The following CTNNA3 variants were observed in gnomAD, a reference collection of about 807,000 sequenced individuals.
The protein encoded by CTNNA3 is catenin alpha 3.
In CTNNA3, 76 loss-of-function variants were observed where a neutral mutation model predicts 95.7. The observed-to-expected ratio is 0.79, with a 90% CI of 0.66 to 0.96. The LOEUF is 0.96. Among genes scored for constraint, CTNNA3 ranks in the 40% least tolerant of loss-of-function variants. CTNNA3 has a pLI of 0.00. For missense variants in CTNNA3, 1,191 were observed against 1,089.8 expected (o/e 1.09, Z -1.31); for synonymous variants, 431 against 374.4 (o/e 1.15, Z -1.74).
At chr10:67,115,968 T>C (rs1025790141) in intron 7 of CTNNA3, among the ~76,000 whole-genome samples, 1 of 152,068 alleles carries the variant, frequency 6.6e-6, no homozygotes, top group African/African-American at 2.4e-5. Flanking sequence ...AGTATTCCTA[T>C]GCTTCATAGG....
At chr10:66,620,942 G>A (rs190528181) in intron 10 of CTNNA3, among the ~76,000 whole-genome samples, 3 of 152,092 alleles carry the variant, frequency 2.0e-5, no homozygotes, top group Non-Finnish European at 2.9e-5. Flanking sequence ...GGAAGTATCC[G>A]TATTATATCC....
rs141183853 is a variant in CTNNA3 at position 67,649,672 on chromosome 10, C to T, written c.-5-2154G>A. 1.9e-4 allele frequency among the ~76,000 whole-genome samples: 29 copies of T among 152,244 alleles called. No individual in the cohort carries two copies. In the East Asian group the frequency reaches 5.2e-3, roughly 27 times the overall value. The stretch of plus-strand genomic sequence containing the variant: ...TGTATGTCCTGGTCAGTATTCCTGA[C>T]TGATTGGAAATTAGGGCTATCATAG... On this transcript the variant is annotated intron_variant, in intron 1 of 17. Transcript: ENST00000433211.
At chr10:67,265,644 G>C (rs1187613287) in intron 5 of CTNNA3, among the ~76,000 whole-genome samples, 1 of 152,020 alleles carries the variant, frequency 6.6e-6, no homozygotes, top group Admixed American at 6.6e-5. Flanking sequence ...TTTTCCATGG[G>C]ATAAATTTAA....
chr10:66,581,060 G>A (rs1341257113), intron 10 of CTNNA3, among the ~76,000 whole-genome samples: 1 of 151,562 alleles, frequency 6.6e-6, no homozygotes, highest in African/African-American at 2.4e-5. Flanking sequence ...CAACCAAGTT[G>A]CCACAAAATA....
rs575779352 is a variant in CTNNA3 at position 66,298,724 on chromosome 10, T to C, written c.1733-18103A>G. Among the ~76,000 whole-genome samples, 14 of 152,280 alleles carry C rather than the reference T, an allele frequency of 9.2e-5. No individual in the cohort carries two copies. The South Asian group carries it at 2.9e-3, about 32-fold the overall frequency. ...GACAGAGAGTTGGCAAGTGATCTAG[T>C]CAGCCAAAAAGATTGTCTTTCCTCG... On this transcript the variant is annotated intron_variant, in intron 12 of 17. Transcript: ENST00000433211.
At chr10:66,931,276 T>C (rs1045595988) in intron 7 of CTNNA3, among the ~76,000 whole-genome samples, 1 of 145,254 alleles carries the variant, frequency 6.9e-6, no homozygotes, top group African/African-American at 2.5e-5. Context: ...AGAGAAGAAA[T>C]GGGATTTAGT....
rs1045879254 is a variant in CTNNA3, at chr10:67,202,261, T to G, written c.843+17346A>C. On this transcript the variant is annotated intron_variant, in intron 6 of 17. Coordinates refer to ENST00000433211, the MANE Select transcript of CTNNA3 (RefSeq NM_013266.4). ...GTATGAAAATAAAGCCTGTAAATTA[T>G]AGATCCATGGCTAGATTTGGAAAAC... Among the ~76,000 whole-genome samples the G allele has an allele frequency of 5.9e-5, 9 of 151,470 alleles. No homozygotes were observed. The East Asian group carries it at 1.6e-3, about 27-fold the overall frequency.
chr10:66,151,649 T>C (rs2084206742), intron 13 of CTNNA3, among the ~76,000 whole-genome samples: 1 of 151,956 alleles, frequency 6.6e-6, no homozygotes, highest in African/African-American at 2.4e-5. Context: ...AAAAGAGATA[T>C]ACTTGCCTCT....
chr10:66,226,685 AACATGG>A (rs529101250), intron 13 of CTNNA3, among the ~76,000 whole-genome samples: 2 of 151,904 alleles, frequency 1.3e-5, no homozygotes, highest in African/African-American at 4.8e-5. Flanking sequence ...CCAGTCCATG[AACATGG>A]GATGTCTTTC....
intron 7 of CTNNA3, among the ~76,000 whole-genome samples, chr10:66,846,237 T>G (rs930953887): frequency 2.0e-5 from 3 of 152,150 alleles, no homozygotes; most frequent in African/African-American, 7.2e-5. Context: ...TGATCTCACT[T>G]ATACGTAAAA....
chr10:66,073,139 G>A (rs2080475999), intron 14 of CTNNA3, among the ~76,000 whole-genome samples: 1 of 152,110 alleles, frequency 6.6e-6, no homozygotes, highest in Non-Finnish European at 1.5e-5. Flanking sequence ...GAGGGGGTTT[G>A]AGAAGATGTT....
At chr10:66,327,487 A>G (rs1730699185) in intron 12 of CTNNA3, among the ~76,000 whole-genome samples, 1 of 152,096 alleles carries the variant, frequency 6.6e-6, no homozygotes, top group Admixed American at 6.5e-5. Flanking sequence ...GGTGTTAAGG[A>G]CCTAAAGAAT....
At chr10:67,244,306 A>T (rs1232565787) in intron 5 of CTNNA3, among the ~76,000 whole-genome samples, 1 of 152,208 alleles carries the variant, frequency 6.6e-6, no homozygotes, top group African/African-American at 2.4e-5. Flanking sequence ...ATGTTCTAAA[A>T]TATACCTAAT....
intron 2 of CTNNA3, among the ~76,000 whole-genome samples, chr10:67,633,979 AC>A (rs1324895682): frequency 6.6e-6 from 1 of 152,098 alleles, no homozygotes; most frequent in Non-Finnish European, 1.5e-5. Flanking sequence ...AATGCAGAGA[AC>A]CCCAGTAAGA....
At chr10:67,031,074 G>A (rs182717517) in intron 7 of CTNNA3, among the ~76,000 whole-genome samples, 38 of 152,192 alleles carry the variant, frequency 2.5e-4, no homozygotes, top group Non-Finnish European at 4.7e-4. Context: ...ATTTTACCCC[G>A]TCATACTTGA....
At chr10:66,806,756 A>ATATG (rs1359507202) in intron 7 of CTNNA3, among the ~76,000 whole-genome samples, 2,309 of 145,800 alleles carry the variant, frequency 0.016, 49 homozygotes, top group African/African-American at 0.056. Context: ...TGTGGCATAT[A>ATATG]TGTGTGTGTG....
intron 13 of CTNNA3, among the ~76,000 whole-genome samples, chr10:66,125,420 T>G (rs1374652152): frequency 6.6e-6 from 1 of 152,126 alleles, no homozygotes; most frequent in African/African-American, 2.4e-5. Context: ...TAAATGTATA[T>G]TGCAAACTCT....
intron 13 of CTNNA3, among the ~76,000 whole-genome samples, chr10:66,174,128 G>A (rs1002845148): frequency 2.0e-5 from 3 of 152,158 alleles, no homozygotes; most frequent in African/African-American, 7.2e-5. Flanking sequence ...CTGAGGCATA[G>A]CAAAGTTAAG....
chr10:66,756,437 G>A (rs183126791), intron 9 of CTNNA3, among the ~76,000 whole-genome samples: 101 of 152,180 alleles, frequency 6.6e-4, no homozygotes, highest in Middle Eastern at 3.4e-3. Context: ...TTTTAGTGAT[G>A]GGAGCATTTC....
Sources: gnomAD v4.1 joint callset for allele counts (sites outside exome capture counted in the v4.1 genomes callset) on GRCh38, gnomAD v4.1.1 for gene constraint, MANE v1.5 for transcripts, NCBI Gene and HGNC (gene_info 2026-07-23, HGNC 2026-07-21) for gene names.